Variants in ARID4B observed in about 807,000 individuals in gnomAD.
The protein encoded by ARID4B is AT-rich interactive domain-containing protein 4B.
ARID4B carries 26 observed loss-of-function variants against 147.5 expected under a neutral mutation model. The ratio of observed to expected loss-of-function variants is 0.18; its 90% confidence interval spans 0.13 to 0.24. The LOEUF is 0.24. ARID4B is among the 10% of genes least tolerant of loss of function. The probability of loss-of-function intolerance (pLI) is 1.00; values close to 1 mark genes in which losing one functional copy is unlikely to be tolerated. For synonymous variants in ARID4B, 512 were observed against 507.9 expected (o/e 1.01, Z -0.11); for missense variants, 1,179 against 1,511.5 (o/e 0.78, Z 3.65).
chr1:235,229,644 AG>A (rs1668073413), intron 10 of ARID4B, among the ~76,000 whole-genome samples: 1 of 152,264 alleles, frequency 6.6e-6, no homozygotes, highest in Non-Finnish European at 1.5e-5. Flanking sequence ...AATAAATAAA[AG>A]AACAGCAGTT....
At position 235,301,300 on chromosome 1, in the gene ARID4B, G is replaced by A. The variant is rs372828487; in HGVS notation, c.6+25614C>T. On this transcript the variant is annotated intron_variant, in intron 2 of 23. Transcript: ENST00000264183. The stretch of plus-strand genomic sequence containing the variant: ...CGCCTGTTATCTGAACACTTTGGGA[G>A]GCCAAGGCGGGAGAATCGCTTGAGC... 3.3e-5 allele frequency among the ~76,000 whole-genome samples: 5 copies of A among 151,830 alleles called. No individual in the cohort carries two copies. In the East Asian group the frequency reaches 1.0e-3, roughly 30 times the overall value.
intron 16 of ARID4B, among the ~76,000 whole-genome samples, chr1:235,219,111 G>A (rs943821245): frequency 2.0e-5 from 3 of 151,902 alleles, no homozygotes; most frequent in Admixed American, 2.0e-4. Context: ...TGATCTGCCC[G>A]CCCCGGTCTC....
intron 2 of ARID4B, among the ~76,000 whole-genome samples, chr1:235,323,195 GC>G (rs768401806): frequency 2.6e-5 from 4 of 151,882 alleles, no homozygotes; most frequent in Non-Finnish European, 5.9e-5. Flanking sequence ...GCGCCACCAT[GC>G]CCAGCTAATT....
At chr1:235,207,725 G>A (rs954111055) in intron 17 of ARID4B, among the ~76,000 whole-genome samples, 1 of 152,126 alleles carries the variant, frequency 6.6e-6, no homozygotes, top group Non-Finnish European at 1.5e-5. Context: ...AAGGAATAAA[G>A]TGTGATAAAA....
intron 17 of ARID4B, among the ~76,000 whole-genome samples, chr1:235,212,786 T>C (rs1032142460): frequency 6.6e-6 from 1 of 152,182 alleles, no homozygotes; most frequent in Admixed American, 6.5e-5. Context: ...TTAAAGAGAA[T>C]CAAAATTTCA....
At chr1:235,270,408 T>C (rs1359970619) in intron 2 of ARID4B, among the ~76,000 whole-genome samples, 3 of 152,252 alleles carry the variant, frequency 2.0e-5, no homozygotes, top group Non-Finnish European at 4.4e-5. Flanking sequence ...TTTGGTTTTT[T>C]ACATGGCCCC....
In ARID4B at chr1:235,219,933, T is replaced by C. The variant is rs537537528; in HGVS notation, c.1443A>G (p.Thr481=). Residue 481 remains threonine, a synonymous_variant, in exon 16 of 24, where the codon ACA becomes ACG. Coordinates refer to ENST00000264183, the MANE Select transcript of ARID4B (RefSeq NM_016374.6). The stretch of plus-strand genomic sequence containing the variant: ...TAACTTCTTTTTCCTGATCAGAATG[T>C]GTAGGTATAGATTCTAATAAATTCT... ...SKKNLLESIP[T]HSDQEKEVNI... 7 of 1,577,394 alleles carry C rather than the reference T, an allele frequency of 4.4e-6. No homozygotes were observed. The African/African-American group carries it at 9.5e-5, about 22-fold the overall frequency.
intron 16 of ARID4B, among the ~76,000 whole-genome samples, chr1:235,218,763 G>A (rs896393469): frequency 6.6e-6 from 1 of 151,230 alleles, no homozygotes; most frequent in Non-Finnish European, 1.5e-5. Flanking sequence ...ATACAACAAA[G>A]TATAATAAAC....
In ARID4B at chr1:235,260,664, G is replaced by A. The variant is rs1337428846; in HGVS notation, c.95C>T (p.Ala32Val). ...TACCTTGACTTTGACAAGTCTTTTT[G>A]CTGTCTTGATCTTGGCTTCACAAAA... ...GAFCEAKIKT[A>V]KRLVKVKVTF... The change falls in exon 3 of 24, where the codon GCA becomes GTA. Residue 32 changes from alanine to valine, a missense_variant. Ala to Val is a moderately conservative substitution (Grantham distance 64). This residue lies in a region of ARID4B where 56 missense variants were observed against 99.2 expected (regional missense o/e 0.56). Coordinates refer to ENST00000264183, the MANE Select transcript of ARID4B (RefSeq NM_016374.6). 1 of 1,607,480 alleles carries A rather than the reference G, an allele frequency of 6.2e-7. No individual in the cohort carries two copies.
At chr1:235,220,127 A>C (rs1444579122) in intron 15 of ARID4B, among the ~76,000 whole-genome samples, 159 bp from the exon 16 acceptor site, 1 of 152,158 alleles carries the variant, frequency 6.6e-6, no homozygotes, top group African/African-American at 2.4e-5. Context: ...CTAGACAAAA[A>C]TAGCTAACAG....
chr1:235,324,906 T>C (rs540502330), intron 2 of ARID4B, among the ~76,000 whole-genome samples: 1 of 151,704 alleles, frequency 6.6e-6, no homozygotes, highest in Admixed American at 6.6e-5. Flanking sequence ...AGACTCTATA[T>C]CAAAAAGAAA....
At chr1:235,264,335 A>G (rs1207675454) in intron 2 of ARID4B, among the ~76,000 whole-genome samples, 2 of 152,216 alleles carry the variant, frequency 1.3e-5, no homozygotes, top group Non-Finnish European at 2.9e-5. Flanking sequence ...ATGCCAACCA[A>G]AATATGAATG....
intron 5 of ARID4B, among the ~76,000 whole-genome samples, chr1:235,253,746 G>A (rs184514635): frequency 6.6e-6 from 1 of 152,038 alleles, no homozygotes; most frequent in African/African-American, 2.4e-5. Flanking sequence ...AATAATTTAG[G>A]GATATGCTAC....
intron 2 of ARID4B, among the ~76,000 whole-genome samples, chr1:235,302,178 C>CA (rs1673212702): frequency 3.5e-5 from 1 of 28,380 alleles, no homozygotes; most frequent in Non-Finnish European, 6.5e-5. Flanking sequence ...AAAAAAAAAA[C>CA]AGCAAAAAAA....
At chr1:235,176,843 G>A (rs1663919672) in intron 21 of ARID4B, 1 of 470,846 alleles carries the variant, frequency 2.1e-6, no homozygotes, top group Non-Finnish European at 4.4e-6. Context: ...GCTAGCAAAG[G>A]TCAGGCAGTG....
Position 235,175,402 on chromosome 1 carries a change from G to T in ARID4B, c.3449-3C>A. The T allele has an allele frequency of 6.3e-7, 1 of 1,595,520 alleles. No homozygotes were observed. The highest frequency in any genetic ancestry group is 8.6e-7 in the Non-Finnish European group (1 of 1,167,528). Reference sequence around the variant, plus strand: ...TTCTTCACTATCACTACTATTTGCTGAAAGAGAAAGAAAAGATTTAATAAA... The same window carrying T: ...TTCTTCACTATCACTACTATTTGCTTAAAGAGAAAGAAAAGATTTAATAAA... On this transcript the variant is annotated splice_polypyrimidine_tract_variant and splice_region_variant and intron_variant, in intron 21 of 23. Coordinates refer to ENST00000264183, the MANE Select transcript of ARID4B (RefSeq NM_016374.6).
intron 2 of ARID4B, among the ~76,000 whole-genome samples, chr1:235,261,330 AG>A (rs1670280514): frequency 6.6e-6 from 1 of 152,176 alleles, no homozygotes; most frequent in Admixed American, 6.6e-5. Flanking sequence ...GACCACCCCA[AG>A]CAACATAGGG....
At chr1:235,278,098 C>T (rs1313087024) in intron 2 of ARID4B, among the ~76,000 whole-genome samples, 1 of 152,148 alleles carries the variant, frequency 6.6e-6, no homozygotes, top group Admixed American at 6.5e-5. Context: ...GGGTATGTAA[C>T]AGGCCTTCCA....
At chr1:235,209,497 A>G (rs1252599258) in intron 17 of ARID4B, among the ~76,000 whole-genome samples, 1 of 151,924 alleles carries the variant, frequency 6.6e-6, no homozygotes, top group Non-Finnish European at 1.5e-5. Context: ...ACAAACAAAC[A>G]GCATTTTAGT....
Sources: gnomAD v4.1 joint callset for allele counts (sites outside exome capture counted in the v4.1 genomes callset) on GRCh38, gnomAD v4.1.1 for gene constraint, gnomAD v4.1.1 regional missense constraint, MANE v1.5 for transcripts, NCBI Gene and HGNC (gene_info 2026-07-23, HGNC 2026-07-21) for gene names.